The following CEMIP2 variants were observed in gnomAD, a reference collection of about 807,000 sequenced individuals.
The protein encoded by CEMIP2 is cell surface hyaluronidase CEMIP2.
Under a neutral mutation model 146.9 loss-of-function variants are expected in CEMIP2, and 79 were observed. The observed-to-expected ratio is 0.54, with a 90% CI of 0.45 to 0.65. The LOEUF is 0.65. CEMIP2 is among the 30% of genes least tolerant of loss of function. The pLI is 0.00. For missense variants in CEMIP2, 1,596 were observed against 1,696.2 expected (o/e 0.94, Z 1.04); for synonymous variants, 601 against 606.3 (o/e 0.99, Z 0.13).
intron 1 of CEMIP2, among the ~76,000 whole-genome samples, chr9:71,766,428 C>T (rs7870312): frequency 0.24 from 35,930 of 151,990 alleles, 4,445 homozygotes; most frequent in Non-Finnish European, 0.26. Context: ...GAAACTTGCC[C>T]AAAGCATGTA....
At chr9:71,713,929 T>C (rs1187221177) in intron 15 of CEMIP2, among the ~76,000 whole-genome samples, 1 of 152,214 alleles carries the variant, frequency 6.6e-6, no homozygotes, top group Non-Finnish European at 1.5e-5. Context: ...CATGAAGTTC[T>C]TTTCCCAATG....
At chr9:71,746,858 A>G (rs562633027) in intron 2 of CEMIP2, among the ~76,000 whole-genome samples, 1 of 152,180 alleles carries the variant, frequency 6.6e-6, no homozygotes, top group Non-Finnish European at 1.5e-5. Flanking sequence ...GAGAAACATC[A>G]CTATCTTCAG....
At chr9:71,696,473 T>TAA (rs879499680) in intron 20 of CEMIP2, among the ~76,000 whole-genome samples, 3 of 143,724 alleles carry the variant, frequency 2.1e-5, no homozygotes, top group Admixed American at 7.0e-5. Context: ...GAGTTGCCAT[T>TAA]AAAAAAAAAA....
At chr9:71,765,874 G>A (rs563228740) in intron 1 of CEMIP2, among the ~76,000 whole-genome samples, 3 of 152,098 alleles carry the variant, frequency 2.0e-5, no homozygotes. Flanking sequence ...CACAAAGCAG[G>A]TGTTGCAATT....
intron 8 of CEMIP2, 52 bp from the exon 9 acceptor site, chr9:71,730,305 T>A: frequency 1.9e-6 from 3 of 1,565,968 alleles, no homozygotes; most frequent in Non-Finnish European, 2.6e-6. Context: ...TGATTGTGAT[T>A]TAAGTGACAA....
intron 6 of CEMIP2, 28 bp from the exon 7 acceptor site, chr9:71,732,548 G>C (rs1477589841): frequency 6.4e-7 from 1 of 1,560,172 alleles, no homozygotes; most frequent in Non-Finnish European, 8.6e-7. Flanking sequence ...GGAAAAAAAA[G>C]AATATTAGAA....
chr9:71,717,283 C>G (rs1823085588), intron 13 of CEMIP2, among the ~76,000 whole-genome samples: 1 of 152,098 alleles, frequency 6.6e-6, no homozygotes. Context: ...AACAACTAGA[C>G]TGTGGTATAT....
rs1822847652 is a variant in CEMIP2 at position 71,709,532 on chromosome 9, C to G, written c.2770-58G>C. The G allele has an allele frequency of 5.6e-6, 8 of 1,429,746 alleles. No individual in the cohort carries two copies. In the South Asian group the frequency reaches 9.3e-5, roughly 17 times the overall value. The allele number at this position is 1,429,746 out of a possible 1,614,324, so 88.6% of individuals were successfully genotyped here. A position where few individuals can be genotyped will look rare whatever the true frequency, so the allele number is the denominator to read the frequency against. ...GTGAGGGCTCCTGCTATCTCAGCAT[C>G]CCCTGCAATGACTCAACTGCAGGTC... is the stretch of plus-strand genomic sequence containing the variant. On this transcript the variant is annotated intron_variant, in intron 16 of 23. Transcript: ENST00000377044.
Position 71,730,772 on chromosome 9 carries a change from A to G in CEMIP2, c.1706T>C (p.Val569Ala), listed in dbSNP as rs1823592841. The part of the protein sequence containing the change: ...YKGGYRHATF[V>A]DGLSIHHSFS... ...GCTGTGATGAATAGACAGGCCGTCC[A>G]CAAATGTTGCATGTCTGTATCCTCC... The change falls in exon 8 of 24, where the codon GTG (valine) becomes GCG (alanine). Residue 569 changes from valine to alanine, a missense_variant. By Grantham distance (64) the Val-to-Ala change is moderately conservative. Transcript: ENST00000377044. The G allele has an allele frequency of 5.0e-6, 8 of 1,614,258 alleles. No individual in the cohort carries two copies. Among genetic ancestry groups the G allele is most frequent in the Non-Finnish European group, 6.8e-6 (8 of 1,180,050 alleles).
intron 12 of CEMIP2, 62 bp from the exon 13 acceptor site, chr9:71,718,141 A>G: frequency 1.4e-6 from 2 of 1,461,292 alleles, no homozygotes; most frequent in South Asian, 1.5e-5. Context: ...TTAGCTAGTT[A>G]TAAGTTTAAG....
chr9:71,694,246 C>T (rs1287116375), intron 21 of CEMIP2, among the ~76,000 whole-genome samples: 3 of 151,954 alleles, frequency 2.0e-5, no homozygotes, highest in Non-Finnish European at 4.4e-5. Flanking sequence ...CCTCAGCCTC[C>T]CGAGTAGCTG....
intron 20 of CEMIP2, among the ~76,000 whole-genome samples, chr9:71,696,243 G>A (rs1255814383): frequency 6.6e-6 from 1 of 152,112 alleles, no homozygotes; most frequent in Non-Finnish European, 1.5e-5. Flanking sequence ...AACAAATCCA[G>A]CTTGAGAATT....
intron 8 of CEMIP2, among the ~76,000 whole-genome samples, chr9:71,730,471 TAAATAA>T (rs1489538847): frequency 6.6e-6 from 1 of 151,644 alleles, no homozygotes; most frequent in Non-Finnish European, 1.5e-5. Context: ...TGTAAATAAA[TAAATAA>T]AAATAAAATA....
intron 6 of CEMIP2, among the ~76,000 whole-genome samples, chr9:71,734,001 T>C (rs377532390): frequency 1.3e-5 from 2 of 152,048 alleles, no homozygotes; most frequent in Admixed American, 6.6e-5. Flanking sequence ...TGTGCCACCA[T>C]GCCTGGCTAA....
intron 1 of CEMIP2, among the ~76,000 whole-genome samples, chr9:71,765,710 A>G (rs1449449556): frequency 6.6e-6 from 1 of 152,058 alleles, no homozygotes; most frequent in African/African-American, 2.4e-5. Flanking sequence ...TGGACCTTCT[A>G]ATTGTTCATT....
At chr9:71,708,638 G>C (rs1255191693) in intron 17 of CEMIP2, among the ~76,000 whole-genome samples, 1 of 152,084 alleles carries the variant, frequency 6.6e-6, no homozygotes, top group African/African-American at 2.4e-5. Flanking sequence ...CTTATACTAG[G>C]CATCAAGTTA....
chr9:71,760,680 C>G (rs1400454931), intron 1 of CEMIP2, among the ~76,000 whole-genome samples: 2 of 143,646 alleles, frequency 1.4e-5, no homozygotes, highest in African/African-American at 4.9e-5. Context: ...TACTACAGAC[C>G]AAGCGGGGAG....
chr9:71,698,225 T>C (rs1486639513), intron 19 of CEMIP2, 21 bp from the exon 20 acceptor site: 1 of 1,607,284 alleles, frequency 6.2e-7, no homozygotes. Context: ...CAGAAACCAA[T>C]CCATGTAGTT....
chr9:71,715,059 G>C lies in CEMIP2; in HGVS notation c.2466C>G (p.Ser822=). Residue 822 remains serine (S), a synonymous_variant, in exon 15 of 24, where the codon TCC becomes TCG. Coordinates refer to ENST00000377044, the MANE Select transcript of CEMIP2 (RefSeq NM_013390.3). The part of the protein sequence containing the change: ...SDGSFPSDEG[S]SQEVSESLFV... ...AGAGAGATTCAGATACCTCTTGGCT[G>C]GAACCTTCATCACTTGGGAAGCTTC... 1 of 1,613,734 alleles carries C rather than the reference G, an allele frequency of 6.2e-7. No individual in the cohort carries two copies. Among genetic ancestry groups the C allele is most frequent in the Non-Finnish European group, 8.5e-7 (1 of 1,179,884 alleles).
Sources: allele counts gnomAD v4.1 joint callset (sites outside exome capture counted in the v4.1 genomes callset), GRCh38; gene constraint gnomAD v4.1.1; transcripts MANE v1.5; gene names NCBI Gene and HGNC (gene_info 2026-07-23, HGNC 2026-07-21).